KIAA1217: variants seen among roughly 807,000 people sequenced by gnomAD.
KIAA1217 encodes the protein sickle tail protein homolog.
In KIAA1217, 88 loss-of-function variants were observed where a neutral mutation model predicts 163.9. The ratio of observed to expected loss-of-function variants is 0.54; its 90% CI spans 0.45 to 0.64. The LOEUF is 0.64. Ranked by LOEUF, KIAA1217 falls within the 30% of genes least tolerant of loss-of-function variation. The pLI is 0.00. For synonymous variants in KIAA1217, 903 were observed against 923.1 expected (o/e 0.98, Z 0.39); for missense variants, 2,372 against 2,475.0 (o/e 0.96, Z 0.88).
At chr10:24,501,307 C>T in intron 8 of KIAA1217, 72 bp from the exon 9 acceptor site, 1 of 1,400,344 alleles carries the variant, frequency 7.1e-7, no homozygotes, top group Non-Finnish European at 9.8e-7. Context: ...CAGTCATCTG[C>T]ATTGGGATGG....
chr10:24,264,628 G>C (rs1402762428), intron 2 of KIAA1217, among the ~76,000 whole-genome samples: 2 of 152,320 alleles, frequency 1.3e-5, no homozygotes, highest in African/African-American at 4.8e-5. Flanking sequence ...AGCTGGGTAA[G>C]AACTTGTGCT....
chr10:24,384,791 C>T (rs1010362389), intron 3 of KIAA1217, among the ~76,000 whole-genome samples: 2 of 152,240 alleles, frequency 1.3e-5, no homozygotes, highest in Non-Finnish European at 2.9e-5. Context: ...CTGCCTTGGC[C>T]TCCTAAAGTG....
At chr10:23,812,018 G>A (rs1394026136) in intron 1 of KIAA1217, among the ~76,000 whole-genome samples, 3 of 152,124 alleles carry the variant, frequency 2.0e-5, no homozygotes, top group Non-Finnish European at 4.4e-5. Flanking sequence ...CCAGGAAGTT[G>A]AGGCTGCAGT....
chr10:23,802,392 A>G (rs903727487), intron 1 of KIAA1217, among the ~76,000 whole-genome samples: 1 of 152,246 alleles, frequency 6.6e-6, no homozygotes, highest in Non-Finnish European at 1.5e-5. Flanking sequence ...ACATGGCCAC[A>G]TGAATGTTCC....
chr10:23,822,841 A>G (rs1410500597), intron 1 of KIAA1217, among the ~76,000 whole-genome samples: 1 of 152,214 alleles, frequency 6.6e-6, no homozygotes, highest in Admixed American at 6.5e-5. Context: ...GAGCCCCTCT[A>G]GATTACTAAG....
chr10:23,949,511 A>G (rs1231192736), intron 1 of KIAA1217, among the ~76,000 whole-genome samples: 1 of 152,234 alleles, frequency 6.6e-6, no homozygotes, highest in Admixed American at 6.5e-5. Context: ...TTACAAATGC[A>G]TTAAATCCAG....
intron 1 of KIAA1217, among the ~76,000 whole-genome samples, chr10:23,895,805 T>C (rs1203612492): frequency 6.6e-6 from 1 of 151,842 alleles, no homozygotes; most frequent in Non-Finnish European, 1.5e-5. Flanking sequence ...TGGAATACTA[T>C]GCAGTCATAA....
intron 1 of KIAA1217, among the ~76,000 whole-genome samples, chr10:23,752,026 A>G (rs1179301488): frequency 6.6e-6 from 1 of 152,210 alleles, no homozygotes; most frequent in Non-Finnish European, 1.5e-5. Context: ...ACCTCACATC[A>G]TGAGCAATCC....
At chr10:23,722,120 A>T (rs919580036) in intron 1 of KIAA1217, among the ~76,000 whole-genome samples, 2 of 152,212 alleles carry the variant, frequency 1.3e-5, no homozygotes, top group Non-Finnish European at 2.9e-5. Context: ...GAATCCAATG[A>T]TATGAGTTAC....
At chr10:24,185,929 A>G (rs1204577797) in intron 2 of KIAA1217, among the ~76,000 whole-genome samples, 2 of 151,546 alleles carry the variant, frequency 1.3e-5, no homozygotes, top group Admixed American at 6.6e-5. Flanking sequence ...CCACCACTAC[A>G]CTCCAGCCCT....
chr10:24,517,207 A>G (rs1360390274), intron 10 of KIAA1217, among the ~76,000 whole-genome samples: 2 of 151,794 alleles, frequency 1.3e-5, no homozygotes, highest in Non-Finnish European at 2.9e-5. Flanking sequence ...ATCTATATAC[A>G]TATATATCCT....
chr10:23,949,788 A>G (rs991302187), intron 1 of KIAA1217, among the ~76,000 whole-genome samples: 1 of 152,172 alleles, frequency 6.6e-6, no homozygotes, highest in Non-Finnish European at 1.5e-5. Flanking sequence ...AGAAAATTAG[A>G]ACTTCTTTGT....
intron 4 of KIAA1217, among the ~76,000 whole-genome samples, chr10:24,435,654 T>C (rs1228545344): frequency 6.6e-6 from 1 of 152,210 alleles, no homozygotes; most frequent in African/African-American, 2.4e-5. Flanking sequence ...CTTCAAAGTA[T>C]GGCTACTTTG....
intron 2 of KIAA1217, among the ~76,000 whole-genome samples, chr10:24,263,118 G>C (rs1003982227): frequency 3.3e-5 from 5 of 152,114 alleles, no homozygotes; most frequent in Non-Finnish European, 7.3e-5. Flanking sequence ...CTGCTTTTCT[G>C]TTCCAGACTT....
At chr10:24,126,490 T>A (rs551538580) in intron 2 of KIAA1217, among the ~76,000 whole-genome samples, 1 of 152,334 alleles carries the variant, frequency 6.6e-6, no homozygotes, top group South Asian at 2.1e-4. Flanking sequence ...ATTTATTGTT[T>A]CTGGTGATGC....
intron 1 of KIAA1217, among the ~76,000 whole-genome samples, chr10:23,817,138 T>C (rs1837344659): frequency 6.6e-6 from 1 of 152,220 alleles, no homozygotes; most frequent in Admixed American, 6.5e-5. Context: ...TTATATAATA[T>C]TCATTTTAAA....
At chr10:24,033,714 T>C (rs1045504086) in intron 2 of KIAA1217, among the ~76,000 whole-genome samples, 1 of 152,210 alleles carries the variant, frequency 6.6e-6, no homozygotes, top group Non-Finnish European at 1.5e-5. Flanking sequence ...CAGAATACTA[T>C]GCATACATGG....
chr10:23,955,791 T>C (rs1844533955), intron 1 of KIAA1217, among the ~76,000 whole-genome samples: 1 of 152,228 alleles, frequency 6.6e-6, no homozygotes, highest in South Asian at 2.1e-4. Context: ...TTATTTCTGT[T>C]GTTGAGCCAA....
intron 2 of KIAA1217, among the ~76,000 whole-genome samples, chr10:24,321,786 T>A (rs2133311898): frequency 6.6e-6 from 1 of 152,144 alleles, no homozygotes; most frequent in Non-Finnish European, 1.5e-5. Flanking sequence ...GATTTACTGT[T>A]CAATGGGTGT....
Sources: gnomAD v4.1 joint callset for allele counts (sites outside exome capture counted in the v4.1 genomes callset) on GRCh38, gnomAD v4.1.1 for gene constraint, MANE v1.5 for transcripts, NCBI Gene and HGNC (gene_info 2026-07-23, HGNC 2026-07-21) for gene names.